Variants in NFIB observed in about 807,000 individuals in gnomAD.
NFIB encodes the protein nuclear factor I B, also known as nuclear factor 1 B-type.
Under a neutral mutation model 61.5 loss-of-function variants are expected in NFIB, and 11 were observed. That is an observed-to-expected ratio of 0.18 (90% CI 0.11 to 0.30). The LOEUF is 0.30. NFIB is among the 10% of genes least tolerant of loss of function. The pLI is 1.00. For synonymous variants in NFIB, 260 were observed against 216.5 expected, an observed-to-expected ratio of 1.20 and a Z score of -1.76; for missense variants, 471 against 608.9, an observed-to-expected ratio of 0.77 and a Z score of 2.38.
the NFIB span, among the ~76,000 whole-genome samples, chr9:14,527,650 G>C: frequency 6.6e-6 from 1 of 152,130 alleles, no homozygotes; most frequent in Admixed American, 6.5e-5. Context: ...CTGGCATATA[G>C]TATGTTCTTT....
the NFIB span, among the ~76,000 whole-genome samples, chr9:14,495,446 C>T: frequency 0.17 from 19,604 of 116,596 alleles, 2,094 homozygotes; most frequent in South Asian, 0.37. Flanking sequence ...GAGAAATGAA[C>T]TTTTTTTTTT....
At chr9:14,150,084 C>T in intron 5 of NFIB, 61 bp downstream of exon 5, 3 of 1,602,134 alleles carry the variant, frequency 1.9e-6, no homozygotes, top group Admixed American at 3.4e-5. Flanking sequence ...ATCTGCCTAT[C>T]ATCCACCTAC....
At chr9:14,464,229 A>G in the NFIB span, among the ~76,000 whole-genome samples, 1 of 152,348 alleles carries the variant, frequency 6.6e-6, no homozygotes, top group Middle Eastern at 3.4e-3. Context: ...CATTTCCACT[A>G]TCTCATTTAT....
At chr9:14,232,131 G>C (rs2053260938) in intron 2 of NFIB, among the ~76,000 whole-genome samples, 1 of 152,154 alleles carries the variant, frequency 6.6e-6, no homozygotes, top group Admixed American at 6.5e-5. Context: ...GGTGTAGCGA[G>C]GGAAGGAGCG....
chr9:14,345,135 G>T (rs1051804068), intron 1 of NFIB, among the ~76,000 whole-genome samples: 2 of 152,172 alleles, frequency 1.3e-5, no homozygotes, highest in Non-Finnish European at 2.9e-5. Flanking sequence ...AAGTGAGCGT[G>T]TTGAAGGGTA....
At chr9:14,149,741 T>C (rs2042653609) in intron 5 of NFIB, among the ~76,000 whole-genome samples, 1 of 152,180 alleles carries the variant, frequency 6.6e-6, no homozygotes, top group Non-Finnish European at 1.5e-5. Context: ...TTATTTTTTA[T>C]GTTTCATTAT....
intron 2 of NFIB, among the ~76,000 whole-genome samples, chr9:14,296,117 G>T (rs2059429746): frequency 6.6e-6 from 1 of 152,172 alleles, no homozygotes; most frequent in Non-Finnish European, 1.5e-5. Context: ...AGATAAATAT[G>T]AACTAAATGA....
At chr9:14,232,873 A>T (rs1373834151) in intron 2 of NFIB, among the ~76,000 whole-genome samples, 1 of 152,186 alleles carries the variant, frequency 6.6e-6, no homozygotes, top group African/African-American at 2.4e-5. Context: ...GTCTATAATC[A>T]AAGAAATCAG....
chr9:14,318,343 G>A (rs561319226), upstream of NFIB, among the ~76,000 whole-genome samples: 38 of 152,146 alleles, frequency 2.5e-4, no homozygotes, highest in South Asian at 7.1e-3. Context: ...CTTTCACTAC[G>A]GATCTCCAGA....
chr9:14,413,479 C>G, the NFIB span, among the ~76,000 whole-genome samples: 1 of 152,082 alleles, frequency 6.6e-6, no homozygotes, highest in Non-Finnish European at 1.5e-5. Flanking sequence ...TTGGTTATTT[C>G]TAATTGTTTA....
At chr9:14,438,045 C>T in the NFIB span, among the ~76,000 whole-genome samples, 2 of 149,208 alleles carry the variant, frequency 1.3e-5, no homozygotes, top group African/African-American at 2.5e-5. Flanking sequence ...TATGTGCGTG[C>T]GTGTGCACGC....
the NFIB span, among the ~76,000 whole-genome samples, chr9:14,503,238 G>A: frequency 6.6e-6 from 1 of 151,902 alleles, no homozygotes; most frequent in African/African-American, 2.4e-5. Flanking sequence ...TGCAAATTGT[G>A]CTGCTATAAA....
intron 2 of NFIB, among the ~76,000 whole-genome samples, chr9:14,250,466 T>C (rs1014507111): frequency 3.3e-5 from 5 of 152,150 alleles, no homozygotes; most frequent in African/African-American, 9.7e-5. Context: ...GCTTTTGCCA[T>C]TAAAACTTTC....
At chr9:14,207,958 G>A (rs1296601535) in intron 2 of NFIB, among the ~76,000 whole-genome samples, 1 of 152,194 alleles carries the variant, frequency 6.6e-6, no homozygotes, top group Non-Finnish European at 1.5e-5. Flanking sequence ...AATTTAGGTG[G>A]TGGGTTCCCA....
the NFIB span, among the ~76,000 whole-genome samples, chr9:14,439,630 C>T: frequency 2.0e-5 from 3 of 152,146 alleles, no homozygotes. Context: ...AGAGCTGGCA[C>T]ATGCTGAGCC....
intron 5 of NFIB, among the ~76,000 whole-genome samples, chr9:14,149,139 A>C (rs1218167330): frequency 3.3e-5 from 5 of 152,208 alleles, no homozygotes; most frequent in Admixed American, 3.3e-4. Flanking sequence ...GATATGTCAG[A>C]GACTATTTTA....
At chr9:14,145,032 T>C (rs1004468103) in intron 6 of NFIB, among the ~76,000 whole-genome samples, 24 of 152,238 alleles carry the variant, frequency 1.6e-4, no homozygotes, top group African/African-American at 5.5e-4. Flanking sequence ...AAAATGCTGT[T>C]ATTTACATTT....
At chr9:14,435,727 T>A in the NFIB span, among the ~76,000 whole-genome samples, 13 of 152,230 alleles carry the variant, frequency 8.5e-5, no homozygotes, top group Admixed American at 1.3e-4. Flanking sequence ...AACAAACCAA[T>A]AGAATTAAAT....
Position 14,313,354 on chromosome 9 carries a change from T to G in NFIB, c.30+128A>C. The G allele has an allele frequency of 7.3e-7, 1 of 1,366,386 alleles. No homozygotes were observed. Among genetic ancestry groups the G allele is most frequent in the Non-Finnish European group, 1.0e-6 (1 of 1,000,608 alleles). 84.6% of individuals were successfully genotyped at this position (1,366,386 alleles called of 1,614,324 possible). ...GCCGCCCCGCGACGCCCGCTGCAAC[T>G]CCGGGCCACTTCTCCAAGGGACGGG... On this transcript the variant is annotated intron_variant, in intron 1 of 10. Transcript: ENST00000380953. This position sits in a 1 kb window ranked among gnomAD's most constrained non-coding sequence, Gnocchi z 4.5.
Sources: allele counts gnomAD v4.1 joint callset (sites outside exome capture counted in the v4.1 genomes callset), GRCh38; gene constraint gnomAD v4.1.1; non-coding constraint Gnocchi (gnomAD v3.1); transcripts MANE v1.5; gene names NCBI Gene and HGNC (gene_info 2026-07-23, HGNC 2026-07-21).